Variants in INTS9 observed in about 807,000 individuals in gnomAD.
INTS9 encodes the protein protein related to CPSF subunits of 74 kDa.
Under a neutral mutation model 79.7 loss-of-function variants are expected in INTS9, and 55 were observed. The observed-to-expected ratio is 0.69, with a 90% confidence interval of 0.56 to 0.86. INTS9 has a LOEUF of 0.86. Ranked by LOEUF, INTS9 falls within the 40% of genes least tolerant of loss-of-function variation. The pLI is 0.00. For synonymous variants in INTS9, 319 were observed against 325.2 expected, an observed-to-expected ratio of 0.98 and a Z score of 0.20; for missense variants, 721 against 831.5, an observed-to-expected ratio of 0.87 and a Z score of 1.64.
chr8:28,872,341 T>C (rs1809140958), intron 1 of INTS9, among the ~76,000 whole-genome samples: 1 of 152,190 alleles, frequency 6.6e-6, no homozygotes, highest in South Asian at 2.1e-4. Context: ...GTCCACACAA[T>C]GTTATACTAT....
chr8:28,796,727 A>G lies in INTS9; in HGVS notation c.745-72T>C, dbSNP rs903109285. 11 of 928,434 alleles carry G rather than the reference A, an allele frequency of 1.2e-5. No homozygotes were observed. The African/African-American group carries it at 1.6e-4, about 14-fold the overall frequency. 57.5% of individuals were successfully genotyped at this position (928,434 alleles called of 1,614,324 possible). Reference sequence around the variant, plus strand: ...TACCTACAAATAGTGAAAGAATACGAGAACACAGACATTGCTCTTTCTACG... The same window carrying G: ...TACCTACAAATAGTGAAAGAATACGGGAACACAGACATTGCTCTTTCTACG... On this transcript the variant is annotated intron_variant, in intron 8 of 16. Transcript: ENST00000521022.
chr8:28,819,741 T>C (rs1013731127), intron 6 of INTS9, among the ~76,000 whole-genome samples: 1 of 152,188 alleles, frequency 6.6e-6, no homozygotes, highest in Non-Finnish European at 1.5e-5. Flanking sequence ...CTGTCTAATG[T>C]TGACAGTGGG....
chr8:28,784,862 A>T (rs573552537), intron 11 of INTS9, among the ~76,000 whole-genome samples: 1 of 152,246 alleles, frequency 6.6e-6, no homozygotes, highest in Non-Finnish European at 1.5e-5. Flanking sequence ...ACCAACTGTT[A>T]TCAATGCTCC....
At chr8:28,787,945 T>A in intron 10 of INTS9, 56 bp from the exon 11 acceptor site, 8 of 1,218,782 alleles carry the variant, frequency 6.6e-6, no homozygotes, top group Non-Finnish European at 9.5e-6. Context: ...GTGGCATCTG[T>A]TGCCACCTAG....
At chr8:28,836,625 T>C (rs973637814) in intron 5 of INTS9, among the ~76,000 whole-genome samples, 1 of 152,212 alleles carries the variant, frequency 6.6e-6, no homozygotes, top group Non-Finnish European at 1.5e-5. Flanking sequence ...TCAGGCTCAC[T>C]GGTGTCCTGG....
chr8:28,768,468 T>C, intron 16 of INTS9, 146 bp from the exon 17 acceptor site: 2 of 722,748 alleles, frequency 2.8e-6, no homozygotes, highest in Non-Finnish European at 4.7e-6. Flanking sequence ...CCTATGATAG[T>C]GATAGTTTCT....
intron 7 of INTS9, among the ~76,000 whole-genome samples, chr8:28,812,822 G>C (rs1459261556): frequency 1.3e-5 from 2 of 152,216 alleles, no homozygotes; most frequent in African/African-American, 4.8e-5. Context: ...CTGCGCTCCA[G>C]CCTGAGTAAC....
intron 10 of INTS9, among the ~76,000 whole-genome samples, 185 bp from the exon 11 acceptor site, chr8:28,788,074 T>C (rs949498917): frequency 8.5e-5 from 13 of 152,238 alleles, no homozygotes; most frequent in African/African-American, 2.9e-4. Context: ...GTTTTTAAAC[T>C]TTAGAATTTC....
chr8:28,840,714 T>C (rs1807127133), intron 4 of INTS9, among the ~76,000 whole-genome samples: 1 of 143,840 alleles, frequency 7.0e-6, no homozygotes, highest in Non-Finnish European at 1.5e-5. Context: ...ACACCGCATA[T>C]TCTCACTCAT....
intron 1 of INTS9, among the ~76,000 whole-genome samples, chr8:28,885,414 A>G (rs991371842): frequency 6.6e-6 from 1 of 152,190 alleles, no homozygotes; most frequent in African/African-American, 2.4e-5. Flanking sequence ...TCACATTCAA[A>G]TTTGTGTCTC....
In INTS9 at chr8:28,785,104, C is replaced by T. The variant is rs571350358; in HGVS notation, c.1098+2725G>A. Among the ~76,000 whole-genome samples the T allele has an allele frequency of 2.6e-5, 4 of 152,360 alleles. 1 individual carries two copies. The East Asian group carries it at 5.8e-4, about 22-fold the overall frequency. ...TGAAGCATTTTTAGCAGCAGGATCA[C>T]AGAAATCATGCTGCTTTCTCAATAA... On this transcript the variant is annotated intron_variant, in intron 11 of 16. Transcript: ENST00000521022.
At chr8:28,821,263 C>A (rs1409995311) in intron 6 of INTS9, among the ~76,000 whole-genome samples, 1 of 152,156 alleles carries the variant, frequency 6.6e-6, no homozygotes, top group Non-Finnish European at 1.5e-5. Flanking sequence ...TTCCACATGG[C>A]TGGGGAGGCC....
chr8:28,880,568 GTGCCCAGGC>G (rs1423606524), intron 1 of INTS9, among the ~76,000 whole-genome samples: 1 of 151,592 alleles, frequency 6.6e-6, no homozygotes, highest in African/African-American at 2.4e-5. Flanking sequence ...GTGCTCAATG[GTGCCCAGGC>G]TGGAGTGCAG....
chr8:28,873,461 C>T (rs894313506), intron 1 of INTS9, among the ~76,000 whole-genome samples: 2 of 152,052 alleles, frequency 1.3e-5, no homozygotes, highest in African/African-American at 4.8e-5. Flanking sequence ...ATTAAAGAAG[C>T]CAGACACAAA....
At chr8:28,771,699 C>T (rs115533493) in intron 14 of INTS9, among the ~76,000 whole-genome samples, 541 of 152,364 alleles carry the variant, frequency 3.6e-3, no homozygotes, top group African/African-American at 0.012. Context: ...GAGCGTGAAG[C>T]GGCCCTTGCC....
intron 3 of INTS9, among the ~76,000 whole-genome samples, chr8:28,848,554 T>C (rs1354412854): frequency 1.3e-5 from 2 of 152,204 alleles, no homozygotes; most frequent in African/African-American, 2.4e-5. Flanking sequence ...ACAATGTACC[T>C]GCCAGCTAAA....
At chr8:28,879,727 C>T (rs1408432044) in intron 1 of INTS9, among the ~76,000 whole-genome samples, 1 of 152,090 alleles carries the variant, frequency 6.6e-6, no homozygotes, top group Non-Finnish European at 1.5e-5. Context: ...AAATATTATT[C>T]AGCAAGAAAA....
intron 1 of INTS9, among the ~76,000 whole-genome samples, chr8:28,888,510 A>C (rs1810299980): frequency 6.6e-6 from 1 of 152,368 alleles, no homozygotes; most frequent in Middle Eastern, 3.4e-3. Context: ...AGAACGCGCC[A>C]CTGCACTTCA....
intron 11 of INTS9, among the ~76,000 whole-genome samples, chr8:28,785,337 T>C (rs1803525063): frequency 6.6e-6 from 1 of 152,248 alleles, no homozygotes; most frequent in African/African-American, 2.4e-5. Flanking sequence ...CTGGTGTTTC[T>C]TGCAGGAATA....
Sources: gnomAD v4.1 joint callset for allele counts (sites outside exome capture counted in the v4.1 genomes callset) on GRCh38, gnomAD v4.1.1 for gene constraint, MANE v1.5 for transcripts, NCBI Gene and HGNC (gene_info 2026-07-23, HGNC 2026-07-21) for gene names.